Variants in PCNX2 observed in about 807,000 individuals in gnomAD.
PCNX2 encodes the protein pecanex-like protein 2.
PCNX2 carries 168 observed loss-of-function variants against 223.8 expected under a neutral mutation model. The ratio of observed to expected loss-of-function variants is 0.75; its 90% CI spans 0.66 to 0.85. The LOEUF is 0.85. Ranked by LOEUF, PCNX2 falls within the 40% of genes least tolerant of loss-of-function variation. PCNX2 has a pLI of 0.00. For missense variants in PCNX2, 2,507 were observed against 2,675.5 expected (o/e 0.94, Z 1.39); for synonymous variants, 1,006 against 1,052.6 (o/e 0.96, Z 0.86).
chr1:233,312,053 G>A, the PCNX2 span, among the ~76,000 whole-genome samples: 8 of 152,088 alleles, frequency 5.3e-5, no homozygotes, highest in South Asian at 2.1e-4. Flanking sequence ...GCTTGAACCC[G>A]GGAGGCGGAG....
intron 1 of PCNX2, among the ~76,000 whole-genome samples, chr1:233,273,684 C>T (rs1195390257): frequency 2.0e-5 from 3 of 151,096 alleles, no homozygotes; most frequent in Non-Finnish European, 4.4e-5. Context: ...AGTGCAGTGG[C>T]ACAATCTCGG....
rs902335634 is a variant in PCNX2, at chr1:233,284,190, C to T, written c.153+11136G>A. ...GGCATAACGGAAATTTGGATAGGAA[C>T]GATATATTAGACAATACCATCATAT... On this transcript the variant is annotated intron_variant, in intron 1 of 33. Transcript: ENST00000258229. Among the ~76,000 whole-genome samples, 12 of 152,106 alleles carry T rather than the reference C, an allele frequency of 7.9e-5. 1 individual carries two copies. The highest frequency in any genetic ancestry group is 3.9e-4 in the East Asian group (2 of 5,190).
the PCNX2 span, among the ~76,000 whole-genome samples, chr1:233,323,066 C>A: frequency 6.6e-6 from 1 of 152,160 alleles, no homozygotes; most frequent in South Asian, 2.1e-4. Context: ...CCATAAACAT[C>A]CACAATTCTA....
At chr1:233,297,434 A>G (rs1335596695), upstream of PCNX2, among the ~76,000 whole-genome samples, 1 of 152,250 alleles carries the variant, frequency 6.6e-6, no homozygotes, top group Non-Finnish European at 1.5e-5. Context: ...AGAAATGGAC[A>G]CATATCCAGA....
chr1:233,304,011 C>T, the PCNX2 span, among the ~76,000 whole-genome samples: 5 of 152,168 alleles, frequency 3.3e-5, no homozygotes, highest in Non-Finnish European at 7.4e-5. Context: ...TTAATCATAT[C>T]ACGATTTTGA....
intron 25 of PCNX2, chr1:233,033,082 C>T: frequency 1.0e-6 from 1 of 985,384 alleles, no homozygotes; most frequent in Non-Finnish European, 1.2e-6. Context: ...ACAGTGTGAC[C>T]TTTCGAAGCC....
At chr1:233,112,709 TTGA>T in intron 21 of PCNX2, 1 of 567,780 alleles carries the variant, frequency 1.8e-6, no homozygotes, top group Non-Finnish European at 2.2e-6. Flanking sequence ...GTGTAGATCT[TTGA>T]ACAATATAAC....
the PCNX2 span, among the ~76,000 whole-genome samples, chr1:233,322,040 C>A: frequency 6.6e-6 from 1 of 152,262 alleles, no homozygotes; most frequent in Non-Finnish European, 1.5e-5. Flanking sequence ...GATTCCCAAA[C>A]AGAAGGTGGT....
At chr1:233,171,266 G>A (rs944804847) in intron 17 of PCNX2, among the ~76,000 whole-genome samples, 2 of 151,054 alleles carry the variant, frequency 1.3e-5, no homozygotes, top group African/African-American at 4.9e-5. Context: ...TTGTTCACTT[G>A]CAAATCAGAT....
chr1:232,993,725 A>G (rs1207197854), intron 32 of PCNX2, among the ~76,000 whole-genome samples: 2 of 152,202 alleles, frequency 1.3e-5, no homozygotes, highest in African/African-American at 4.8e-5. Context: ...GAGGCCTAGG[A>G]GGGAAAAATG....
At position 233,020,210 on chromosome 1, in the gene PCNX2, A is replaced by G. The variant is rs147164096; in HGVS notation, c.4606-3056T>C. Among the ~76,000 whole-genome samples, 138 of 152,328 alleles carry G rather than the reference A, an allele frequency of 9.1e-4. 1 individual carries two copies. In the East Asian group the frequency reaches 0.018, roughly 19 times the overall value. The stretch of plus-strand genomic sequence containing the variant: ...CGCTGCAGTGCTGACTTCAGAACAG[A>G]ACCCAGCTAGATGCTCAGTTTTCTA... On this transcript the variant is annotated intron_variant, in intron 26 of 33. Coordinates refer to ENST00000258229, the MANE Select transcript of PCNX2 (RefSeq NM_014801.4).
At chr1:233,129,211 C>T (rs1045474190) in intron 21 of PCNX2, among the ~76,000 whole-genome samples, 7 of 137,500 alleles carry the variant, frequency 5.1e-5, no homozygotes, top group Non-Finnish European at 9.7e-5. Context: ...GGGCCCCGCA[C>T]TCAGAGCGGC....
At chr1:233,104,505 C>T (rs1425654571) in intron 21 of PCNX2, among the ~76,000 whole-genome samples, 6 of 151,716 alleles carry the variant, frequency 4.0e-5, no homozygotes. Context: ...CATGTAGTCT[C>T]AAAAATATCT....
chr1:233,177,348 T>C lies in PCNX2; in HGVS notation c.3273+454A>G, dbSNP rs142474576. 6.9e-4 allele frequency among the ~76,000 whole-genome samples: 105 copies of C among 152,318 alleles called. No individual in the cohort carries two copies. In the East Asian group the frequency reaches 0.015, roughly 22 times the overall value. On this transcript the variant is annotated intron_variant, in intron 17 of 33. Coordinates refer to ENST00000258229, the MANE Select transcript of PCNX2 (RefSeq NM_014801.4). ...ACAAGTTACTTCCTCCTTCCTTTGT[T>C]CTCCTCTACCTTTGCCTCTTCTAAA...
intron 28 of PCNX2, among the ~76,000 whole-genome samples, chr1:233,007,371 GC>G (rs1395830436): frequency 6.6e-6 from 1 of 151,948 alleles, no homozygotes; most frequent in African/African-American, 2.4e-5. Context: ...GAAGAAACAG[GC>G]CAGAAAAAGT....
chr1:233,308,517 T>C, the PCNX2 span, among the ~76,000 whole-genome samples: 1 of 151,150 alleles, frequency 6.6e-6, no homozygotes. Flanking sequence ...AGAGAAAAGG[T>C]AAGAAGCCCC....
chr1:233,222,951 T>C (rs998681738), intron 10 of PCNX2, among the ~76,000 whole-genome samples: 5 of 152,136 alleles, frequency 3.3e-5, no homozygotes, highest in African/African-American at 4.8e-5. Context: ...AAGTTGGTGA[T>C]ATAAATCCGA....
intron 21 of PCNX2, among the ~76,000 whole-genome samples, chr1:233,110,112 AG>A (rs1675035535): frequency 6.6e-6 from 1 of 152,310 alleles, no homozygotes; most frequent in East Asian, 1.9e-4. Flanking sequence ...AATTAAAAAA[AG>A]GAAGATCAGA....
Position 232,999,399 on chromosome 1 carries a change from C to T in PCNX2, c.5329-20G>A, listed in dbSNP as rs201436665. The T allele has an allele frequency of 1.5e-4, 234 of 1,569,842 alleles. 1 individual carries two copies. In the African/African-American group the frequency reaches 1.9e-3, roughly 13 times the overall value. On this transcript the variant is annotated intron_variant, in intron 30 of 33. Coordinates refer to ENST00000258229, the MANE Select transcript of PCNX2 (RefSeq NM_014801.4). Reference sequence around the variant, plus strand: ...GTTAACCTGCAGGTCAGAGAGGGAACGGGAAGAAAGGCAGAAGGCCTGTGT... The same window carrying T: ...GTTAACCTGCAGGTCAGAGAGGGAATGGGAAGAAAGGCAGAAGGCCTGTGT...
Sources: gnomAD v4.1 joint callset for allele counts (sites outside exome capture counted in the v4.1 genomes callset) on GRCh38, gnomAD v4.1.1 for gene constraint, MANE v1.5 for transcripts, NCBI Gene and HGNC (gene_info 2026-07-23, HGNC 2026-07-21) for gene names.